Variants in ENAH observed in about 807,000 individuals in gnomAD.
ENAH encodes the protein ENAH actin regulator, also known as protein enabled homolog.
ENAH carries 23 observed loss-of-function variants against 78.7 expected under a neutral mutation model. That is an observed-to-expected ratio of 0.29 (90% CI 0.21 to 0.41). The LOEUF is 0.41. ENAH is among the 10% of genes least tolerant of loss of function. ENAH has a pLI of 1.00. For missense variants in ENAH, 544 were observed against 691.0 expected, an observed-to-expected ratio of 0.79 and a Z score of 2.39; for synonymous variants, 226 against 241.0, an observed-to-expected ratio of 0.94 and a Z score of 0.58.
At chr1:225,576,775 G>A (rs1296757739) in intron 1 of ENAH, among the ~76,000 whole-genome samples, 1 of 152,292 alleles carries the variant, frequency 6.6e-6, no homozygotes, top group East Asian at 1.9e-4. Context: ...AAGGAGACAG[G>A]CCTCAGAGGA....
At chr1:225,533,290 A>G (rs1398503034) in intron 3 of ENAH, among the ~76,000 whole-genome samples, 1 of 152,184 alleles carries the variant, frequency 6.6e-6, no homozygotes, top group Non-Finnish European at 1.5e-5. Flanking sequence ...AGCAGCAACT[A>G]GGATCAGGCA....
rs928281132 is a variant in ENAH, at chr1:225,608,815, C to CAAAAAAAAA, written c.6-41410_6-41402dup. Among the ~76,000 whole-genome samples the CAAAAAAAAA allele has an allele frequency of 7.3e-4, 15 of 20,664 alleles. 1 individual carries two copies. The South Asian group carries it at 7.6e-3, about 10-fold the overall frequency. The allele number at this position is 20,664 out of a possible 152,430, so 13.6% of individuals were successfully genotyped here. On this transcript the variant is annotated intron_variant, in intron 1 of 13. Coordinates refer to ENST00000366843, the MANE Select transcript of ENAH (RefSeq NM_018212.6). ...TGGGCGACAGAGCGAGACTCTGTCT[C>CAAAAAAAAA]AAAAAAAAAAAAAAAAAAAAAAAAA... is the stretch of plus-strand genomic sequence containing the variant.
chr1:225,533,800 T>A (rs920954138), intron 3 of ENAH, among the ~76,000 whole-genome samples: 1 of 152,164 alleles, frequency 6.6e-6, no homozygotes, highest in African/African-American at 2.4e-5. Flanking sequence ...TTCCACTTAC[T>A]GTCACATTTT....
Position 225,491,487 on chromosome 1 carries a change from A to AC in ENAH, c.*6287_*6288insG, listed in dbSNP as rs2096221759. On this transcript the variant is annotated 3_prime_UTR_variant, in exon 14 of 14. Transcript: ENST00000366843. ...AATGCCTTTAATCTTTAAAAAAAAAAATAAAAGAAAAAGAAAAAAAGAAAA... is the reference window on the plus strand; with the variant it reads ...AATGCCTTTAATCTTTAAAAAAAAAACATAAAAGAAAAAGAAAAAAAGAAAA... The AC allele has an allele frequency of 6.6e-6, 1 of 150,758 alleles. No homozygotes were observed. Among genetic ancestry groups the AC allele is most frequent in the Non-Finnish European group, 1.5e-5 (1 of 67,830 alleles). The allele number at this position is 150,758 out of a possible 1,614,324, so 9.3% of individuals were successfully genotyped here. A position where few individuals can be genotyped will look rare whatever the true frequency, so the allele number is the denominator to read the frequency against.
intron 3 of ENAH, among the ~76,000 whole-genome samples, chr1:225,551,642 T>C (rs2151401837): frequency 1.3e-5 from 2 of 152,242 alleles, no homozygotes; most frequent in Middle Eastern, 6.8e-3. Context: ...TGCACAAAAA[T>C]GTCCATAACT....
intron 6 of ENAH, among the ~76,000 whole-genome samples, chr1:225,515,649 A>C (rs1407320127): frequency 6.6e-6 from 1 of 152,260 alleles, no homozygotes; most frequent in Non-Finnish European, 1.5e-5. Context: ...TAATAACAGA[A>C]TCCTGAAACA....
At chr1:225,507,476 G>A (rs922064465) in intron 11 of ENAH, among the ~76,000 whole-genome samples, 3 of 152,000 alleles carry the variant, frequency 2.0e-5, no homozygotes. Context: ...CATAGCAGAT[G>A]TCCTGGTTCT....
intron 4 of ENAH, 60 bp from the exon 5 acceptor site, chr1:225,519,625 G>C (rs1003880762): frequency 6.5e-7 from 1 of 1,550,240 alleles, no homozygotes; most frequent in Non-Finnish European, 8.6e-7. Flanking sequence ...ATGAAAAAGC[G>C]ATTCTTTTCA....
At chr1:225,636,072 T>C (rs1660008527) in intron 1 of ENAH, among the ~76,000 whole-genome samples, 1 of 152,214 alleles carries the variant, frequency 6.6e-6, no homozygotes, top group African/African-American at 2.4e-5. Context: ...TTCCTTTAAA[T>C]AAACAAATAC....
At chr1:225,632,396 A>G (rs1575801288) in intron 1 of ENAH, among the ~76,000 whole-genome samples, 2 of 151,752 alleles carry the variant, frequency 1.3e-5, no homozygotes, top group South Asian at 2.1e-4. Context: ...TACTCAGGAG[A>G]CTGAGGCAGG....
chr1:225,545,568 A>G (rs1215016960), intron 3 of ENAH, among the ~76,000 whole-genome samples: 1 of 152,236 alleles, frequency 6.6e-6, no homozygotes, highest in East Asian at 1.9e-4. Flanking sequence ...CAAAAATATT[A>G]AGTGATTAGA....
intron 2 of ENAH, among the ~76,000 whole-genome samples, chr1:225,557,743 C>A (rs946214077): frequency 3.9e-5 from 6 of 152,146 alleles, no homozygotes; most frequent in Admixed American, 3.9e-4. Flanking sequence ...ATCACTTGAA[C>A]CCAGGAAGCA....
chr1:225,624,878 T>C (rs1035551659), intron 1 of ENAH, among the ~76,000 whole-genome samples: 25 of 152,156 alleles, frequency 1.6e-4, no homozygotes, highest in African/African-American at 5.8e-4. Context: ...GTCACAATCT[T>C]ACATGGTTTC....
At chr1:225,501,947 T>TA (rs1375254322) in intron 11 of ENAH, among the ~76,000 whole-genome samples, 1 of 152,156 alleles carries the variant, frequency 6.6e-6, no homozygotes, top group Non-Finnish European at 1.5e-5. Flanking sequence ...CCTAGAGTTT[T>TA]AAATGGGCAC....
At chr1:225,617,933 G>A (rs181363491) in intron 1 of ENAH, among the ~76,000 whole-genome samples, 14 of 152,262 alleles carry the variant, frequency 9.2e-5, no homozygotes, top group Non-Finnish European at 5.9e-5. Flanking sequence ...TTAAGGGAAG[G>A]CATAACATTT....
At chr1:225,616,007 T>C (rs1428011598) in intron 1 of ENAH, among the ~76,000 whole-genome samples, 1 of 152,196 alleles carries the variant, frequency 6.6e-6, no homozygotes, top group Non-Finnish European at 1.5e-5. Context: ...TGCCTTGGGA[T>C]GCTGTTAATC....
At chr1:225,511,663 G>C (rs952980492) in intron 10 of ENAH, 148 bp downstream of exon 10, 2 of 513,416 alleles carry the variant, frequency 3.9e-6, no homozygotes, top group Admixed American at 7.3e-5. Context: ...GAGGAAAAAA[G>C]TGAATGCTTT....
intron 1 of ENAH, among the ~76,000 whole-genome samples, chr1:225,611,490 T>C (rs1207174349): frequency 6.6e-6 from 1 of 152,064 alleles, no homozygotes; most frequent in East Asian, 1.9e-4. Context: ...AGCTAATTTT[T>C]ATATATTTTG....
intron 1 of ENAH, among the ~76,000 whole-genome samples, chr1:225,583,053 T>G (rs1339280280): frequency 2.0e-5 from 3 of 152,024 alleles, no homozygotes; most frequent in Non-Finnish European, 4.4e-5. Context: ...TAAAACAACA[T>G]CTTTAAAGAG....
Sources: allele counts gnomAD v4.1 joint callset (sites outside exome capture counted in the v4.1 genomes callset), GRCh38; gene constraint gnomAD v4.1.1; transcripts MANE v1.5; gene names NCBI Gene and HGNC (gene_info 2026-07-23, HGNC 2026-07-21).